Variants in SLIT3 observed in about 807,000 individuals in gnomAD.
SLIT3 encodes slit homolog 3 protein.
A neutral mutation model predicts 184.0 loss-of-function variants in SLIT3; 68 were observed. The observed-to-expected ratio is 0.37, with a 90% CI of 0.30 to 0.45. The LOEUF (loss-of-function observed/expected upper bound fraction) is 0.45. Ranked by LOEUF, SLIT3 falls within the 20% of genes least tolerant of loss-of-function variation. The pLI is 1.00. For missense variants in SLIT3, 1,707 were observed against 2,026.0 expected (o/e 0.84, Z 3.02); for synonymous variants, 831 against 828.6 (o/e 1.00, Z -0.05).
chr5:169,126,378 G>A (rs370472099), intron 4 of SLIT3, among the ~76,000 whole-genome samples: 6 of 152,182 alleles, frequency 3.9e-5, no homozygotes, highest in Non-Finnish European at 5.9e-5. Flanking sequence ...GAGACCTCAC[G>A]CAGGCAACAC....
intron 14 of SLIT3, among the ~76,000 whole-genome samples, chr5:168,765,217 A>G (rs1012906866): frequency 4.6e-5 from 7 of 152,338 alleles, no homozygotes; most frequent in African/African-American, 1.7e-4. Flanking sequence ...TTTCATTTTA[A>G]TCAAGGTGAG....
chr5:168,916,658 G>A (rs528770139), intron 4 of SLIT3, among the ~76,000 whole-genome samples: 1 of 152,220 alleles, frequency 6.6e-6, no homozygotes, highest in Non-Finnish European at 1.5e-5. Context: ...TGGGAGTTAG[G>A]AGAGTGGCAA....
chr5:169,007,303 G>A (rs980026401), intron 4 of SLIT3, among the ~76,000 whole-genome samples: 2 of 152,142 alleles, frequency 1.3e-5, no homozygotes, highest in Admixed American at 6.5e-5. Flanking sequence ...TGTGAAAACA[G>A]ACTAATACAA....
At chr5:169,059,419 T>G (rs1426868505) in intron 4 of SLIT3, among the ~76,000 whole-genome samples, 1 of 152,184 alleles carries the variant, frequency 6.6e-6, no homozygotes, top group African/African-American at 2.4e-5. Flanking sequence ...CAGCACAGCC[T>G]GCCAGGTGGG....
At chr5:169,236,146 CA>C (rs1306004473) in intron 3 of SLIT3, among the ~76,000 whole-genome samples, 12 of 152,302 alleles carry the variant, frequency 7.9e-5, no homozygotes, top group African/African-American at 2.9e-4. Flanking sequence ...AGTATGGACT[CA>C]TGGATATTTA....
chr5:169,100,272 G>C (rs557444434), intron 4 of SLIT3, among the ~76,000 whole-genome samples: 1 of 152,258 alleles, frequency 6.6e-6, no homozygotes, highest in East Asian at 1.9e-4. Context: ...AGTCAGACGG[G>C]AAGGAGAGGA....
chr5:168,883,597 A>T (rs1760044269), intron 4 of SLIT3, among the ~76,000 whole-genome samples: 1 of 152,230 alleles, frequency 6.6e-6, no homozygotes. Context: ...CCAGGCCACG[A>T]GCCAAGAGGC....
chr5:168,769,594 T>C (rs1449852049), intron 14 of SLIT3, among the ~76,000 whole-genome samples: 1 of 152,164 alleles, frequency 6.6e-6, no homozygotes, highest in Non-Finnish European at 1.5e-5. Context: ...TGGACTCCAC[T>C]CTGCTTTGAC....
rs779147960 is a variant in SLIT3, at chr5:168,666,212, T to C, written c.*242A>G. 63 of 355,648 alleles carry C rather than the reference T, an allele frequency of 1.8e-4. No homozygotes were observed. Among genetic ancestry groups the C allele is most frequent in the Middle Eastern group, 7.3e-4 (1 of 1,364 alleles). The allele number at this position is 355,648 out of a possible 1,614,324, so 22.0% of individuals were successfully genotyped here. A position where few individuals can be genotyped will look rare whatever the true frequency, so the allele number is the denominator to read the frequency against. On this transcript the variant is annotated 3_prime_UTR_variant, in exon 36 of 36. Transcript: ENST00000519560. ...ACAAAACTTGGTAAAAATAACTCAC[T>C]ATATGGTACATATACGCAGATGGTG...
chr5:168,972,337 A>ATGTGTGTATG (rs1754604216), intron 4 of SLIT3, among the ~76,000 whole-genome samples: 1 of 118,250 alleles, frequency 8.5e-6, no homozygotes, highest in African/African-American at 3.7e-5. Flanking sequence ...GCAGGACAAC[A>ATGTGTGTATG]TGTGTGTGTG....
intron 4 of SLIT3, among the ~76,000 whole-genome samples, chr5:168,971,865 G>T (rs1754588797): frequency 6.6e-6 from 1 of 152,220 alleles, no homozygotes; most frequent in South Asian, 2.1e-4. Flanking sequence ...CCACCTTTTA[G>T]GCTCCAGGGC....
intron 25 of SLIT3, 79 bp from the exon 26 acceptor site, chr5:168,708,179 C>T: frequency 1.3e-6 from 2 of 1,596,764 alleles, no homozygotes. Flanking sequence ...CTGCTCTGGG[C>T]CCTCCCTCAG....
rs781271121 is a variant in SLIT3 at position 168,724,493 on chromosome 5, G to A, written c.2271-9C>T. 2.5e-6 allele frequency: 4 copies of A among 1,611,146 alleles called. No individual in the cohort carries two copies. The highest frequency in any genetic ancestry group is 3.4e-6 in the Non-Finnish European group (4 of 1,178,074). On this transcript the variant is annotated splice_polypyrimidine_tract_variant and intron_variant, in intron 20 of 35. Transcript: ENST00000519560. ...GGTTTCCTTCCAGGTACCTGAAAGA[G>A]GTGTGGAGAGACAACACCTGAGAAA...
intron 1 of SLIT3, among the ~76,000 whole-genome samples, chr5:169,275,924 G>T (rs1766785482): frequency 6.6e-6 from 1 of 152,082 alleles, no homozygotes; most frequent in African/African-American, 2.4e-5. Flanking sequence ...AGCAGATAAG[G>T]CTTTTGGATT....
intron 3 of SLIT3, among the ~76,000 whole-genome samples, chr5:169,200,669 C>A (rs544228447): frequency 6.6e-6 from 1 of 152,294 alleles, no homozygotes; most frequent in African/African-American, 2.4e-5. Context: ...GGGCAAAAAA[C>A]TTGAACTCTG....
chr5:168,993,311 C>T (rs1050319477), intron 4 of SLIT3, among the ~76,000 whole-genome samples: 2 of 152,214 alleles, frequency 1.3e-5, no homozygotes, highest in Non-Finnish European at 2.9e-5. Context: ...GCTCCGGGTC[C>T]GGAGGAGAGC....
At chr5:169,120,150 G>C (rs751521442) in intron 4 of SLIT3, 6 of 152,204 alleles carry the variant, frequency 3.9e-5, no homozygotes, top group Admixed American at 6.5e-5. Context: ...GACTTAATTT[G>C]ATCTTTCAGA....
At chr5:168,936,052 T>C (rs1762148739) in intron 4 of SLIT3, among the ~76,000 whole-genome samples, 1 of 152,152 alleles carries the variant, frequency 6.6e-6, no homozygotes. Flanking sequence ...CCCACAAAAT[T>C]AGGGCTGCTA....
intron 1 of SLIT3, among the ~76,000 whole-genome samples, chr5:169,291,109 T>C (rs1300039794): frequency 2.0e-5 from 3 of 151,906 alleles, no homozygotes; most frequent in Non-Finnish European, 4.4e-5. Context: ...ACACAAGCAG[T>C]GATATGGCCG....
Sources: gnomAD v4.1 joint callset for allele counts (sites outside exome capture counted in the v4.1 genomes callset) on GRCh38, gnomAD v4.1.1 for gene constraint, MANE v1.5 for transcripts, NCBI Gene and HGNC (gene_info 2026-07-23, HGNC 2026-07-21) for gene names.